Variants in FRYL observed in about 807,000 individuals in gnomAD.
FRYL encodes the protein protein furry homolog-like.
In FRYL, 150 loss-of-function variants were observed where a neutral mutation model predicts 351.2. That is an observed-to-expected ratio of 0.43 (90% CI 0.37 to 0.49). The LOEUF is 0.49. Among genes scored for constraint, FRYL ranks in the 20% least tolerant of loss-of-function variants. The pLI, the probability that FRYL is intolerant of heterozygous loss-of-function variation, is 0.00. For synonymous variants in FRYL, 1,153 were observed against 1,257.1 expected, an observed-to-expected ratio of 0.92 and a Z score of 1.75; for missense variants, 3,036 against 3,619.3, an observed-to-expected ratio of 0.84 and a Z score of 4.13.
At chr4:48,612,745 A>ATT (rs34297450) in intron 7 of FRYL, among the ~76,000 whole-genome samples, 2 of 139,356 alleles carry the variant, frequency 1.4e-5, no homozygotes, top group African/African-American at 2.7e-5. Flanking sequence ...TGCCTGGCTA[A>ATT]TTTTTTTTTT....
chr4:48,515,359 C>A (rs1381253346), intron 55 of FRYL, 84 bp from the exon 56 acceptor site: 2 of 1,023,614 alleles, frequency 2.0e-6, no homozygotes, highest in Admixed American at 5.4e-5. Flanking sequence ...TGCCATCCAT[C>A]TAAGTCTGTT....
At chr4:48,588,682 T>C (rs907675166) in intron 18 of FRYL, among the ~76,000 whole-genome samples, 5 of 152,152 alleles carry the variant, frequency 3.3e-5, no homozygotes, top group African/African-American at 1.2e-4. Context: ...CATGGGCCTC[T>C]TTCTCTCTCT....
chr4:48,757,145 T>C (rs1299486465), intron 1 of FRYL, among the ~76,000 whole-genome samples: 2 of 151,908 alleles, frequency 1.3e-5, no homozygotes, highest in Non-Finnish European at 2.9e-5. Context: ...TGAAGAAAAA[T>C]GTAAAAGAAA....
At position 48,760,026 on chromosome 4, in the gene FRYL, A is replaced by AT. The variant is rs919034408; in HGVS notation, c.-384+20051dup. ...ATTTGATCCTCACAACTCTAAAGGA[A>AT]TTTTTTTTCCCTCATTTTATATATG... On this transcript the variant is annotated intron_variant, in intron 1 of 63. Coordinates refer to ENST00000358350, the MANE Select transcript of FRYL (RefSeq NM_015030.2). 2.0e-5 allele frequency among the ~76,000 whole-genome samples: 3 copies of AT among 152,110 alleles called. No individual in the cohort carries two copies. In the East Asian group the frequency reaches 5.8e-4, roughly 29 times the overall value.
Position 48,561,495 on chromosome 4 carries a change from G to T in FRYL, c.3838C>A (p.Pro1280Thr). ...QLSEELARAY[P>T]ELTLAIFSEI... is the part of the protein sequence containing the mutation. ...GAGAATATGGCGAGAGTTAGCTCAG[G>T]ATACGCCCTTGCTAGTTCCTCGGAC... The change falls in exon 33 of 64, where the codon CCT becomes ACT. Residue 1280 changes from proline (P) to threonine (T), a missense_variant. Physicochemically the swap from Pro to Thr is conservative, Grantham distance 38. Around this residue, in one of 7 missense-constraint regions of FRYL, gnomAD observed 1,987 missense variants for 2,311.7 expected, o/e 0.86. Transcript: ENST00000358350. 1 of 1,609,280 alleles carries T rather than the reference G, an allele frequency of 6.2e-7. No individual in the cohort carries two copies. The highest frequency in any genetic ancestry group is 8.5e-7 in the Non-Finnish European group (1 of 1,177,090).
chr4:48,521,553 G>A (rs150947701), intron 54 of FRYL, among the ~76,000 whole-genome samples: 156 of 152,316 alleles, frequency 1.0e-3, no homozygotes, highest in South Asian at 9.3e-3. Flanking sequence ...TATGTGGCAC[G>A]GTTAAGTGAA....
intron 1 of FRYL, among the ~76,000 whole-genome samples, chr4:48,764,077 G>A (rs1394424241): frequency 6.6e-6 from 1 of 152,148 alleles, no homozygotes; most frequent in Non-Finnish European, 1.5e-5. Flanking sequence ...GGCTGAGGCA[G>A]GAGAATAGCT....
intron 2 of FRYL, among the ~76,000 whole-genome samples, chr4:48,704,703 C>T (rs1192237042): frequency 6.6e-6 from 1 of 151,936 alleles, no homozygotes; most frequent in Non-Finnish European, 1.5e-5. Context: ...AATCCCAGCA[C>T]TTTGGGAGGC....
intron 1 of FRYL, among the ~76,000 whole-genome samples, chr4:48,767,765 G>A (rs1222031669): frequency 6.6e-6 from 1 of 152,178 alleles, no homozygotes; most frequent in Admixed American, 6.5e-5. Context: ...CTCATCTTGG[G>A]TGGTGGGAAG....
chr4:48,607,339 G>T (rs1282070233), intron 9 of FRYL, among the ~76,000 whole-genome samples: 1 of 152,088 alleles, frequency 6.6e-6, no homozygotes, highest in Non-Finnish European at 1.5e-5. Flanking sequence ...ACTGACTACA[G>T]TGAGAAGAAC....
intron 1 of FRYL, among the ~76,000 whole-genome samples, chr4:48,736,765 G>A (rs1172966428): frequency 7.1e-6 from 1 of 140,944 alleles, no homozygotes; most frequent in Admixed American, 8.1e-5. Flanking sequence ...CAGGAGAATC[G>A]CTTGTACCTA....
intron 43 of FRYL, among the ~76,000 whole-genome samples, chr4:48,544,366 C>T (rs1276729164): frequency 1.3e-5 from 2 of 152,196 alleles, no homozygotes; most frequent in Non-Finnish European, 1.5e-5. Context: ...TGTCTCTAGA[C>T]ATTGCCAAAT....
rs6815016 is a variant in FRYL at position 48,746,544 on chromosome 4, T to A, written c.-384+33534A>T. 9.5e-3 allele frequency among the ~76,000 whole-genome samples: 1,311 copies of A among 137,874 alleles called. 19 individuals are homozygous for A. The highest frequency in any genetic ancestry group is 0.032 in the African/African-American group (1,204 of 37,638). The allele number at this position is 137,874 out of a possible 152,430, so 90.5% of individuals were successfully genotyped here. A position where few individuals can be genotyped will look rare whatever the true frequency, so the allele number is the denominator to read the frequency against. ...CGGGCGACAGAGCAAGACTCCGTTTTAAAAAAAAAAAAAAGAAAAAGAAAA... is the reference window on the plus strand; with the variant it reads ...CGGGCGACAGAGCAAGACTCCGTTTAAAAAAAAAAAAAAAGAAAAAGAAAA... On this transcript the variant is annotated intron_variant, in intron 1 of 63. Coordinates refer to ENST00000358350, the MANE Select transcript of FRYL (RefSeq NM_015030.2).
At chr4:48,624,045 T>C (rs1751261390) in intron 4 of FRYL, among the ~76,000 whole-genome samples, 1 of 152,152 alleles carries the variant, frequency 6.6e-6, no homozygotes, top group African/African-American at 2.4e-5. Context: ...TTGAACTTGC[T>C]TGGTATCACA....
In FRYL at chr4:48,540,502, C is replaced by T; in HGVS notation, c.6146G>A (p.Ser2049Asn). ...ESREKIENVQ[S>N]KLKWTNFPGL... ...TGGAAAATTAGTCCATTTCAATTTGCTTTGTACATTTTCAATCTTCTCTCG... is the reference window on the plus strand; with the variant it reads ...TGGAAAATTAGTCCATTTCAATTTGTTTTGTACATTTTCAATCTTCTCTCG... The change falls in exon 46 of 64, where the codon AGC becomes AAC. Residue 2049 changes from serine to asparagine, a missense_variant. By Grantham distance (46) the Ser-to-Asn change is conservative (BLOSUM62 1). Transcript: ENST00000358350. 2 of 1,614,088 alleles carry T rather than the reference C, an allele frequency of 1.2e-6. No homozygotes were observed. The highest frequency in any genetic ancestry group is 2.2e-5 in the South Asian group (2 of 91,082).
intron 2 of FRYL, among the ~76,000 whole-genome samples, chr4:48,695,487 A>AAT (rs202038710): frequency 4.8e-4 from 72 of 150,404 alleles, no homozygotes; most frequent in South Asian, 2.9e-3. Flanking sequence ...ATTTACTGTA[A>AAT]ATATATATAT....
At chr4:48,713,990 T>C (rs1480217341) in intron 1 of FRYL, among the ~76,000 whole-genome samples, 14 of 151,766 alleles carry the variant, frequency 9.2e-5, no homozygotes, top group Admixed American at 9.2e-4. Context: ...CTCAACTACA[T>C]GGAAACTGAA....
intron 3 of FRYL, among the ~76,000 whole-genome samples, chr4:48,640,800 T>C (rs559939322): frequency 6.6e-6 from 1 of 152,186 alleles, no homozygotes; most frequent in Admixed American, 6.5e-5. Flanking sequence ...ATAAAGCTGA[T>C]TAATTTACAA....
intron 59 of FRYL, among the ~76,000 whole-genome samples, 191 bp downstream of exon 59, chr4:48,509,868 A>C (rs1261573407): frequency 6.6e-6 from 1 of 152,206 alleles, no homozygotes; most frequent in Non-Finnish European, 1.5e-5. Context: ...TTGTGCTGTT[A>C]GAGGACTGAT....
Sources: allele counts gnomAD v4.1 joint callset (sites outside exome capture counted in the v4.1 genomes callset), GRCh38; gene constraint gnomAD v4.1.1; regional missense constraint gnomAD v4.1.1; transcripts MANE v1.5; gene names NCBI Gene and HGNC (gene_info 2026-07-23, HGNC 2026-07-21).